The following MPP2 variants were observed in gnomAD, a reference collection of about 807,000 sequenced individuals.
MPP2 encodes the protein MAGUK p55 scaffold protein 2, also known as MAGUK p55 subfamily member 2.
Under a neutral mutation model 58.5 loss-of-function variants are expected in MPP2, and 42 were observed. The observed-to-expected ratio is 0.72, with a 90% CI of 0.56 to 0.93. The LOEUF is 0.93. Among genes scored for constraint, MPP2 ranks in the 40% least tolerant of loss-of-function variants. MPP2 has a pLI of 0.00. For synonymous variants in MPP2, 300 were observed against 307.8 expected (o/e 0.97, Z 0.26); for missense variants, 632 against 760.4 (o/e 0.83, Z 1.99).
Position 43,880,693 on chromosome 17 carries a change from G to A in MPP2, c.1148C>T (p.Pro383Leu). The change falls in exon 10 of 13, where the codon CCC (proline) becomes CTC (leucine). Residue 383 changes from proline (P) to leucine (L), a missense_variant and splice_region_variant. Transcript: ENST00000269095. This position sits in a 1 kb window ranked among gnomAD's most constrained non-coding sequence, Gnocchi z 5.2. ...WDPDRYGTTV[P>L]YTSRRPKDSE... The stretch of plus-strand genomic sequence containing the variant: ...AGCAGGGCCCAGCTCCCACTCACAG[G>A]GCACCGTGGTGCCATAGCGATCTGG... The A allele has an allele frequency of 6.2e-7, 1 of 1,606,966 alleles. No individual in the cohort carries two copies. The highest frequency in any genetic ancestry group is 8.5e-7 in the Non-Finnish European group (1 of 1,175,376).
At position 43,882,131 on chromosome 17, in the gene MPP2, G is replaced by T. The variant is rs867981302; in HGVS notation, c.681+153C>A. Among the ~76,000 whole-genome samples the T allele has an allele frequency of 2.0e-5, 3 of 152,204 alleles. No individual in the cohort carries two copies. In the South Asian group the frequency reaches 6.2e-4, roughly 31 times the overall value. ...GGTGCAGCAGCGGCAGAGGCCTGTC[G>T]GCGGCTGCGGTCAGCTGCCCCTGGG... On this transcript the variant is annotated intron_variant, in intron 6 of 12. Transcript: ENST00000269095.
chr17:43,899,728 G>T (rs370227275), intron 2 of MPP2, among the ~76,000 whole-genome samples: 1 of 152,076 alleles, frequency 6.6e-6, no homozygotes, highest in Admixed American at 6.5e-5. Flanking sequence ...CTCTCAGCCC[G>T]AAATGGGACA....
intron 3 of MPP2, among the ~76,000 whole-genome samples, chr17:43,894,859 T>A (rs2047778399): frequency 6.6e-6 from 1 of 151,438 alleles, no homozygotes; most frequent in African/African-American, 2.4e-5. Context: ...AGGAGGATCA[T>A]TTGAGCCCAG....
rs1462067848 is a variant in MPP2, at chr17:43,875,385, AAAAG to A, written c.*2418_*2421del. ...TTTGCTTTCACATTTAATCCAAGGA[AAAAG>A]AAAGAAAACCAATCAGTGAGAAAAC... On this transcript the variant is annotated 3_prime_UTR_variant, in exon 13 of 13. Coordinates refer to ENST00000269095, the MANE Select transcript of MPP2 (RefSeq NM_005374.5). 8 of 152,460 alleles carry A rather than the reference AAAAG, an allele frequency of 5.2e-5. No individual in the cohort carries two copies. Among genetic ancestry groups the A allele is most frequent in the African/African-American group, 1.4e-4 (6 of 41,594 alleles). 9.4% of individuals were successfully genotyped at this position (152,460 alleles called of 1,614,324 possible).
At chr17:43,893,416 C>T (rs2047688852) in intron 3 of MPP2, among the ~76,000 whole-genome samples, 1 of 152,236 alleles carries the variant, frequency 6.6e-6, no homozygotes, top group Non-Finnish European at 1.5e-5. Flanking sequence ...CACTGCAGCA[C>T]TGTTTTTAAG....
intron 1 of MPP2, chr17:43,905,436 G>A (rs2048251286): frequency 6.6e-6 from 1 of 152,298 alleles, no homozygotes; most frequent in Non-Finnish European, 1.5e-5. Context: ...GGCACAAGGA[G>A]ACCAAGTGCT....
rs539268042 is a variant in MPP2 at position 43,876,827 on chromosome 17, G to A, written c.*980C>T. On this transcript the variant is annotated 3_prime_UTR_variant, in exon 13 of 13. Transcript: ENST00000269095. ...CTGTCCTTCAAGCCCAGGCTCCCAA[G>A]GTCCCCTCTGCACTCCTCCTTAGCC... is the stretch of plus-strand genomic sequence containing the variant. The A allele has an allele frequency of 6.6e-6, 1 of 152,408 alleles. No individual in the cohort carries two copies. Among genetic ancestry groups the A allele is most frequent in the Admixed American group, 6.5e-5 (1 of 15,292 alleles). The allele number at this position is 152,408 out of a possible 1,614,324, so 9.4% of individuals were successfully genotyped here. A position where few individuals can be genotyped will look rare whatever the true frequency, so the allele number is the denominator to read the frequency against.
rs756340233 is a variant in MPP2 at position 43,883,239 on chromosome 17, G to A, written c.267C>T (p.Ala89=). 22 of 1,609,050 alleles carry A rather than the reference G, an allele frequency of 1.4e-5. No homozygotes were observed. The highest frequency in any genetic ancestry group is 4.4e-5 in the South Asian group (4 of 90,180). The part of the protein sequence containing the change: ...AQLAEQSSTA[A]ELAHILQEPH... ...GCTCCTGGAGGATGTGGGCCAGCTC[G>A]GCGGCTGTGCTGCTCTGCTCAGCCA... Residue 89 remains alanine (A), a synonymous_variant, in exon 4 of 13, where the codon GCC becomes GCT. Coordinates refer to ENST00000269095, the MANE Select transcript of MPP2 (RefSeq NM_005374.5).
At chr17:43,904,282 G>C in intron 2 of MPP2, 148 bp downstream of exon 2, 2 of 695,464 alleles carry the variant, frequency 2.9e-6, no homozygotes, top group Admixed American at 2.4e-5. Flanking sequence ...GGCCACAGCA[G>C]CTGCCAGAAG....
chr17:43,905,333 A>G (rs2048247768), intron 1 of MPP2: 1 of 152,270 alleles, frequency 6.6e-6, no homozygotes, highest in Non-Finnish European at 1.5e-5. Flanking sequence ...CCGATGTTCC[A>G]CATTTATCTG....
chr17:43,885,192 C>T (rs2047316400), intron 3 of MPP2, among the ~76,000 whole-genome samples: 1 of 151,480 alleles, frequency 6.6e-6, no homozygotes. Context: ...CTCTCCTTCT[C>T]TCTCTCATGA....
chr17:43,882,130 C>T (rs1185973414), intron 6 of MPP2, among the ~76,000 whole-genome samples, 154 bp downstream of exon 6: 2 of 152,216 alleles, frequency 1.3e-5, no homozygotes, highest in Non-Finnish European at 2.9e-5. Flanking sequence ...AGAGGCCTGT[C>T]GGCGGCTGCG....
chr17:43,906,152 C>T (rs1024963108), intron 1 of MPP2: 8 of 984,114 alleles, frequency 8.1e-6, no homozygotes, highest in Non-Finnish European at 9.7e-6. Flanking sequence ...TCCTCCTTCC[C>T]TAGAGCGTGG....
Position 43,882,301 on chromosome 17 carries a change from GC to G in MPP2, c.663del (p.Glu221AspfsTer10), listed in dbSNP as rs758924646. ...VILKILPSYQ[E>X]PHLPRQVFVK... ...GGGCCCACCTGGCGGGGCAGATGGG[GC>G]TCCTGGTAGCTGGGCAGGATCTTGA... On this transcript the variant is annotated frameshift_variant, in exon 6 of 13. Transcript: ENST00000269095. LOFTEE classifies it high-confidence loss of function. 6.2e-7 allele frequency: 1 copy of G among 1,611,080 alleles called. No homozygotes were observed. Among genetic ancestry groups the G allele is most frequent in the South Asian group, 1.1e-5 (1 of 91,076 alleles).
At chr17:43,884,477 C>A (rs2047281438) in intron 3 of MPP2, among the ~76,000 whole-genome samples, 1 of 152,184 alleles carries the variant, frequency 6.6e-6, no homozygotes, top group African/African-American at 2.4e-5. Context: ...GCTTCAGGCT[C>A]CCAAAGCCTG....
intron 3 of MPP2, among the ~76,000 whole-genome samples, chr17:43,887,227 T>C (rs923365762): frequency 3.9e-5 from 6 of 152,110 alleles, no homozygotes; most frequent in Admixed American, 2.0e-4. Flanking sequence ...TTTTTAATCC[T>C]CATTTTAATG....
rs773369533 is a variant in MPP2, at chr17:43,883,319, C to T, written c.187G>A (p.Val63Met). The change falls in exon 4 of 13, where the codon GTG becomes ATG. Residue 63 changes from valine (V) to methionine (M), a missense_variant. Transcript: ENST00000269095. ...ERLEETKLEA[V>M]RDNNLELVQE... ...ACCAGCTCCAGGTTGTTGTCTCTCA[C>T]GGCCTCCAGCTTCGTCTCCTCCAGC... 8.7e-6 allele frequency: 14 copies of T among 1,612,568 alleles called. No individual in the cohort carries two copies. Among genetic ancestry groups the T allele is most frequent in the South Asian group, 2.2e-5 (2 of 90,976 alleles).
Position 43,880,457 on chromosome 17 carries a change from G to T in MPP2, c.1150+234C>A, listed in dbSNP as rs946866592. 3.3e-5 allele frequency among the ~76,000 whole-genome samples: 5 copies of T among 152,208 alleles called. No homozygotes were observed. The highest frequency in any genetic ancestry group is 6.5e-5 in the Admixed American group (1 of 15,282). On this transcript the variant is annotated intron_variant, in intron 10 of 12. Transcript: ENST00000269095. The surrounding 1 kb of genome is among the most constrained non-coding windows in gnomAD (Gnocchi z 5.2). ...CTTTTAGCAAGTGAAACAAGAGAAGGAAAGTGGACGCCAGCCCAGCCCGCT... is the reference window on the plus strand; with the variant it reads ...CTTTTAGCAAGTGAAACAAGAGAAGTAAAGTGGACGCCAGCCCAGCCCGCT...
rs2046808074 is a variant in MPP2 at position 43,875,903 on chromosome 17, T to C, written c.*1904A>G. 2.0e-5 allele frequency: 3 copies of C among 152,118 alleles called. No individual in the cohort carries two copies. Among genetic ancestry groups the C allele is most frequent in the Admixed American group, 2.0e-4 (3 of 15,272 alleles). The allele number at this position is 152,118 out of a possible 1,614,324, so 9.4% of individuals were successfully genotyped here. A position where few individuals can be genotyped will look rare whatever the true frequency, so the allele number is the denominator to read the frequency against. The stretch of plus-strand genomic sequence containing the variant: ...CAAATCCCCCAGAGAAGGTAGGAAA[T>C]GGCAAGTGACCCTATAGCCTCAGGT... On this transcript the variant is annotated 3_prime_UTR_variant, in exon 13 of 13. Coordinates refer to ENST00000269095, the MANE Select transcript of MPP2 (RefSeq NM_005374.5).
Sources: gnomAD v4.1 joint callset for allele counts (sites outside exome capture counted in the v4.1 genomes callset) on GRCh38, gnomAD v4.1.1 for gene constraint, Gnocchi (gnomAD v3.1) non-coding constraint, MANE v1.5 for transcripts, NCBI Gene and HGNC (gene_info 2026-07-23, HGNC 2026-07-21) for gene names.